The following YTHDF3 variants were observed in gnomAD, a reference collection of about 807,000 sequenced individuals.
The protein encoded by YTHDF3 is YTH domain-containing family protein 3.
YTHDF3 carries 9 observed loss-of-function variants against 52.5 expected under a neutral mutation model. That is an observed-to-expected ratio of 0.17 (90% confidence interval 0.10 to 0.30). YTHDF3 has a LOEUF of 0.30. Ranked by LOEUF, YTHDF3 falls within the 10% of genes least tolerant of loss-of-function variation. YTHDF3 has a pLI of 1.00. For missense variants in YTHDF3, 534 were observed against 715.0 expected (o/e 0.75, Z 2.89); for synonymous variants, 274 against 243.3 (o/e 1.13, Z -1.18).
chr8:63,184,157 G>A (rs1808345264), intron 3 of YTHDF3, among the ~76,000 whole-genome samples: 1 of 152,184 alleles, frequency 6.6e-6, no homozygotes, highest in Admixed American at 6.5e-5. Flanking sequence ...GACTGATTGT[G>A]TTGGAAAAAC....
intron 4 of YTHDF3, among the ~76,000 whole-genome samples, chr8:63,200,320 C>T (rs193290438): frequency 6.6e-6 from 1 of 152,198 alleles, no homozygotes; most frequent in Admixed American, 6.5e-5. Context: ...GCAGTAGCTA[C>T]CAGGACAGAA....
At position 63,208,240 on chromosome 8, in the gene YTHDF3, C is replaced by T. The variant is rs1448934590; in HGVS notation, c.1735-1443C>T. Among the ~76,000 whole-genome samples the T allele has an allele frequency of 3.3e-5, 5 of 152,052 alleles. No homozygotes were observed. The East Asian group carries it at 9.7e-4, about 29-fold the overall frequency. On this transcript the variant is annotated intron_variant, in intron 4 of 4. Coordinates refer to ENST00000539294, the MANE Select transcript of YTHDF3 (RefSeq NM_152758.6). ...GTATGAAATAATGCTCTTCAAGTTCCAGGAATGTATTAAAATAAAAAAGAA... is the reference window on the plus strand; with the variant it reads ...GTATGAAATAATGCTCTTCAAGTTCTAGGAATGTATTAAAATAAAAAAGAA...
intron 2 of YTHDF3, chr8:63,173,727 A>G (rs1397308520): frequency 1.3e-5 from 13 of 979,708 alleles, no homozygotes; most frequent in Non-Finnish European, 1.6e-5. Context: ...CAGCCTTATA[A>G]TGGCACTAGA....
At chr8:63,172,739 C>T in intron 2 of YTHDF3, 2 of 1,230,400 alleles carry the variant, frequency 1.6e-6, no homozygotes, top group Non-Finnish European at 2.0e-6. Context: ...CTCCTAAGGC[C>T]CATGTTCTAT....
chr8:63,168,938 G>C, intron 1 of YTHDF3, 37 bp downstream of exon 1: 1 of 1,547,588 alleles, frequency 6.5e-7, no homozygotes, highest in Non-Finnish European at 8.7e-7. Flanking sequence ...GCGAAGGCCC[G>C]AGCCCCGGAG....
At chr8:63,172,231 T>G (rs1448871340) in intron 2 of YTHDF3, among the ~76,000 whole-genome samples, 3 of 152,182 alleles carry the variant, frequency 2.0e-5, no homozygotes, top group African/African-American at 7.2e-5. Context: ...GAATTTTTGC[T>G]TATTGGAATA....
At chr8:63,179,955 C>T (rs1454527479) in intron 3 of YTHDF3, among the ~76,000 whole-genome samples, 6 of 149,880 alleles carry the variant, frequency 4.0e-5, no homozygotes, top group East Asian at 4.1e-4. Context: ...CCGGACGGGG[C>T]GGCTGGCCGG....
chr8:63,196,198 T>C (rs973322839), intron 4 of YTHDF3, among the ~76,000 whole-genome samples: 1 of 151,066 alleles, frequency 6.6e-6, no homozygotes, highest in African/African-American at 2.4e-5. Context: ...AAGTTGAGGC[T>C]GCAGTTAGCC....
intron 3 of YTHDF3, among the ~76,000 whole-genome samples, chr8:63,177,624 T>C (rs1276727947): frequency 6.6e-6 from 1 of 152,172 alleles, no homozygotes; most frequent in Non-Finnish European, 1.5e-5. Flanking sequence ...TTTAGATAGA[T>C]TTGAGAAATT....
Position 63,168,679 on chromosome 8 carries a change from G to A in YTHDF3, c.-199G>A, listed in dbSNP as rs1275352423. The A allele has an allele frequency of 2.1e-6, 2 of 946,908 alleles. No homozygotes were observed. The highest frequency in any genetic ancestry group is 3.2e-6 in the Non-Finnish European group (2 of 628,672). The allele number at this position is 946,908 out of a possible 1,614,324, so 58.7% of individuals were successfully genotyped here. A position where few individuals can be genotyped will look rare whatever the true frequency, so the allele number is the denominator to read the frequency against. On this transcript the variant is annotated 5_prime_UTR_variant, in exon 1 of 5. Transcript: ENST00000539294. Reference sequence around the variant, plus strand: ...GAGAAGCAGAGAGCGAGAGGGGGAAGAGGAGCGTGCAAGCGGAAAAGACGG... The same window carrying A: ...GAGAAGCAGAGAGCGAGAGGGGGAAAAGGAGCGTGCAAGCGGAAAAGACGG...
intron 3 of YTHDF3, among the ~76,000 whole-genome samples, chr8:63,177,118 T>G (rs1251452726): frequency 6.6e-6 from 1 of 152,202 alleles, no homozygotes; most frequent in Admixed American, 6.5e-5. Flanking sequence ...ACTCTAAAAT[T>G]TTAACCTAGA....
At position 63,187,415 on chromosome 8, in the gene YTHDF3, T is replaced by C. The variant is rs201785645; in HGVS notation, c.1404T>C (p.Asn468=). Residue 468 remains asparagine (N), a synonymous_variant, in exon 4 of 5, where the codon AAT becomes AAC. Transcript: ENST00000539294. ...KGPLYLLFSV[N]GSGHFCGVAE... ...CACTCTATTTACTCTTCAGTGTGAA[T>C]GGCAGTGGACATTTTTGTGGAGTGG... The C allele has an allele frequency of 1.7e-4, 277 of 1,614,066 alleles. No homozygotes were observed. The Middle Eastern group carries it at 4.1e-3, about 24-fold the overall frequency.
intron 3 of YTHDF3, among the ~76,000 whole-genome samples, chr8:63,183,003 C>T (rs959277319): frequency 6.8e-6 from 1 of 147,518 alleles, no homozygotes; most frequent in African/African-American, 2.5e-5. Context: ...GTCACCCAGG[C>T]TGGAGTGCAG....
rs375247562 is a variant in YTHDF3, at chr8:63,187,149, G to A, written c.1138G>A (p.Val380Ile). 1.2e-6 allele frequency: 2 copies of A among 1,613,840 alleles called. No individual in the cohort carries two copies. Among genetic ancestry groups the A allele is most frequent in the African/African-American group, 1.3e-5 (1 of 74,910 alleles). Reference protein sequence around the residue: ...AGSENFGLGVVPVSASPSSVE... With the variant: ...AGSENFGLGVIPVSASPSSVE... ...CAGTGAAAACTTTGGTTTAGGTGTT[G>A]TACCTGTCAGTGCTTCACCTTCTAG... Residue 380 changes from valine to isoleucine, a missense_variant, in exon 4 of 5, where the codon GTA becomes ATA. Coordinates refer to ENST00000539294, the MANE Select transcript of YTHDF3 (RefSeq NM_152758.6).
At chr8:63,169,002 C>T (rs1807083312) in intron 1 of YTHDF3, 101 bp downstream of exon 1, 8 of 1,492,430 alleles carry the variant, frequency 5.4e-6, no homozygotes, top group South Asian at 5.2e-5. Context: ...CTGCCGGCCC[C>T]ATAACGGTGC....
Position 63,180,223 on chromosome 8 carries a change from C to T in YTHDF3, c.135+4807C>T, listed in dbSNP as rs556328735. Among the ~76,000 whole-genome samples, 14 of 147,104 alleles carry T rather than the reference C, an allele frequency of 9.5e-5. No homozygotes were observed. In the East Asian group the frequency reaches 1.1e-3, roughly 11 times the overall value. On this transcript the variant is annotated intron_variant, in intron 3 of 4. Transcript: ENST00000539294. ...GGGGCGCCTCACTTCTCAGACGGGG[C>T]GGTTGCCAGGCAGAGGGTTTCCTCA...
chr8:63,170,054 A>G (rs1197659730), intron 2 of YTHDF3, among the ~76,000 whole-genome samples: 1 of 152,212 alleles, frequency 6.6e-6, no homozygotes, highest in East Asian at 1.9e-4. Flanking sequence ...TTGAAAGTAA[A>G]GTGTTTTTTT....
chr8:63,183,492 A>T (rs1417548624), intron 3 of YTHDF3, among the ~76,000 whole-genome samples: 1 of 152,146 alleles, frequency 6.6e-6, no homozygotes, highest in African/African-American at 2.4e-5. Flanking sequence ...TTTCTTTAAA[A>T]ACTATTGTTG....
At position 63,210,969 on chromosome 8, in the gene YTHDF3, G is replaced by GT. The variant is rs1400452866; in HGVS notation, c.*1264dup. 6.6e-6 allele frequency: 1 copy of GT among 152,516 alleles called. No homozygotes were observed. The highest frequency in any genetic ancestry group is 1.9e-4 in the East Asian group (1 of 5,200). The allele number at this position is 152,516 out of a possible 1,614,324, so 9.4% of individuals were successfully genotyped here. A position where few individuals can be genotyped will look rare whatever the true frequency, so the allele number is the denominator to read the frequency against. On this transcript the variant is annotated 3_prime_UTR_variant, in exon 5 of 5. Coordinates refer to ENST00000539294, the MANE Select transcript of YTHDF3 (RefSeq NM_152758.6). Reference sequence around the variant, plus strand: ...TTATGAAAATAATGTACTGCCCCATGTATTACTGTTCCAAAAGGAGAAAGC... The same window carrying GT: ...TTATGAAAATAATGTACTGCCCCATGTTATTACTGTTCCAAAAGGAGAAAGC...
Sources: allele counts gnomAD v4.1 joint callset (sites outside exome capture counted in the v4.1 genomes callset), GRCh38; gene constraint gnomAD v4.1.1; transcripts MANE v1.5; gene names NCBI Gene and HGNC (gene_info 2026-07-23, HGNC 2026-07-21).